CSMD1: variants seen among roughly 807,000 people sequenced by gnomAD.
CSMD1 encodes the protein CUB and sushi domain-containing protein 1.
In CSMD1, 213 loss-of-function variants were observed where a neutral mutation model predicts 417.5. The observed-to-expected ratio is 0.51, with a 90% CI of 0.46 to 0.57. The LOEUF (loss-of-function observed/expected upper bound fraction) is 0.57, where lower values mean the gene tolerates loss of function less well. CSMD1 is among the 20% of genes least tolerant of loss of function. The probability of loss-of-function intolerance (pLI) is 0.00; values close to 1 mark genes in which losing one functional copy is unlikely to be tolerated. For synonymous variants in CSMD1, 2,862 were observed against 1,736.8 expected (o/e 1.65, Z -16.11); for missense variants, 6,923 against 4,529.7 (o/e 1.53, Z -15.17).
rs1338191984 is a variant in CSMD1, at chr8:4,915,577, G to C, written c.85+78755C>G. ...GACCTGCGTCTGCAGTAGAGGGCAGGAGCAGGGACAGCTGGGGGACTGTTG... is the reference window on the plus strand; with the variant it reads ...GACCTGCGTCTGCAGTAGAGGGCAGCAGCAGGGACAGCTGGGGGACTGTTG... On this transcript the variant is annotated intron_variant, in intron 1 of 69. Coordinates refer to ENST00000635120, the MANE Select transcript of CSMD1 (RefSeq NM_033225.6). Among the ~76,000 whole-genome samples the C allele has an allele frequency of 3.3e-5, 5 of 152,346 alleles. No individual in the cohort carries two copies. In the South Asian group the frequency reaches 6.2e-4, roughly 19 times the overall value.
At chr8:4,956,631 G>A (rs902429952) in intron 1 of CSMD1, among the ~76,000 whole-genome samples, 1 of 151,566 alleles carries the variant, frequency 6.6e-6, no homozygotes, top group Non-Finnish European at 1.5e-5. Context: ...TGTAAATGCA[G>A]AAAATTACTG....
chr8:4,762,555 A>G (rs191177150), intron 1 of CSMD1, among the ~76,000 whole-genome samples: 217 of 152,232 alleles, frequency 1.4e-3, no homozygotes, highest in African/African-American at 5.1e-3. Flanking sequence ...TACATTTCAA[A>G]AATTCATAGT....
chr8:4,992,171 G>T (rs561602748), intron 1 of CSMD1, among the ~76,000 whole-genome samples: 1 of 152,246 alleles, frequency 6.6e-6, no homozygotes, highest in East Asian at 1.9e-4. Context: ...TGCCCTGTTC[G>T]CCCCAGAATC....
At chr8:4,183,126 T>A (rs1283902025) in intron 3 of CSMD1, among the ~76,000 whole-genome samples, 4 of 152,176 alleles carry the variant, frequency 2.6e-5, no homozygotes, top group East Asian at 1.9e-4. Flanking sequence ...TATGCAGTGA[T>A]AATTTTATTT....
At chr8:3,974,858 C>T (rs1433473914) in intron 5 of CSMD1, among the ~76,000 whole-genome samples, 2 of 152,118 alleles carry the variant, frequency 1.3e-5, no homozygotes, top group Middle Eastern at 3.4e-3. Context: ...GATATAAAAT[C>T]AGGTGTTATC....
chr8:4,084,735 GCCCACC>G (rs1386424029), intron 3 of CSMD1, among the ~76,000 whole-genome samples: 1 of 150,180 alleles, frequency 6.7e-6, no homozygotes, highest in Admixed American at 6.7e-5. Context: ...CTGCTCTCTT[GCCCACC>G]CCCACCCCCC....
rs534925973 is a variant in CSMD1, at chr8:3,108,986, C to T, written c.6609-238G>A. Among the ~76,000 whole-genome samples the T allele has an allele frequency of 3.3e-5, 5 of 152,316 alleles. No individual in the cohort carries two copies. The South Asian group carries it at 8.3e-4, about 25-fold the overall frequency. On this transcript the variant is annotated intron_variant, in intron 43 of 69. Transcript: ENST00000635120. Reference sequence around the variant, plus strand: ...GCACTTGTCAAATGTCAACACTCACCGGTGCTGGTGGCTCATGCCTGTCAT... The same window carrying T: ...GCACTTGTCAAATGTCAACACTCACTGGTGCTGGTGGCTCATGCCTGTCAT...
At chr8:3,042,096 T>C (rs1811136385) in intron 50 of CSMD1, among the ~76,000 whole-genome samples, 1 of 152,170 alleles carries the variant, frequency 6.6e-6, no homozygotes, top group African/African-American at 2.4e-5. Context: ...CTGCCAACTC[T>C]GTTCCCAAGC....
In CSMD1 at chr8:3,938,405, G is replaced by A. The variant is rs114752674; in HGVS notation, c.818+59498C>T. ...ATGCAATCGGTGGTAGGCTAGTTTT[G>A]ATTTGGGCTTCAAAAGAATAGTAGA... On this transcript the variant is annotated intron_variant, in intron 5 of 69. Coordinates refer to ENST00000635120, the MANE Select transcript of CSMD1 (RefSeq NM_033225.6). 6.2e-3 allele frequency among the ~76,000 whole-genome samples: 940 copies of A among 152,278 alleles called. 14 individuals are homozygous for A. Among genetic ancestry groups the A allele is most frequent in the African/African-American group, 0.022 (913 of 41,564 alleles).
intron 2 of CSMD1, among the ~76,000 whole-genome samples, chr8:4,498,571 A>G (rs1019207601): frequency 1.3e-5 from 2 of 152,238 alleles, no homozygotes; most frequent in African/African-American, 4.8e-5. Flanking sequence ...TGAAACTTGC[A>G]GAAAGATGAT....
At chr8:3,561,583 G>A (rs576149745) in intron 10 of CSMD1, among the ~76,000 whole-genome samples, 1 of 152,092 alleles carries the variant, frequency 6.6e-6, no homozygotes, top group Non-Finnish European at 1.5e-5. Flanking sequence ...GGTACACATG[G>A]AGATAAGGAT....
chr8:3,817,610 C>T (rs548971550), intron 5 of CSMD1, among the ~76,000 whole-genome samples: 84 of 152,092 alleles, frequency 5.5e-4, no homozygotes, highest in African/African-American at 1.6e-3. Flanking sequence ...AGAATATTTA[C>T]GGGCAATATT....
chr8:3,739,113 CATTTT>C (rs1796670004), intron 6 of CSMD1, among the ~76,000 whole-genome samples: 1 of 151,594 alleles, frequency 6.6e-6, no homozygotes, highest in African/African-American at 2.4e-5. Flanking sequence ...TATAAGTTTA[CATTTT>C]ATTTAGATCA....
intron 3 of CSMD1, among the ~76,000 whole-genome samples, chr8:4,200,855 C>G (rs114363953): frequency 6.6e-6 from 1 of 151,972 alleles, no homozygotes; most frequent in African/African-American, 2.4e-5. Context: ...GAAACCCTGT[C>G]TCAAAATAAT....
intron 2 of CSMD1, among the ~76,000 whole-genome samples, chr8:4,532,651 C>G (rs1421397920): frequency 7.1e-6 from 1 of 140,346 alleles, no homozygotes; most frequent in Non-Finnish European, 1.5e-5. Flanking sequence ...CCTGCACCCC[C>G]ATTCAGTCAC....
chr8:4,945,076 G>A (rs540590304), intron 1 of CSMD1, among the ~76,000 whole-genome samples: 2 of 152,248 alleles, frequency 1.3e-5, no homozygotes, highest in Middle Eastern at 3.4e-3. Flanking sequence ...TAAAAAGGAA[G>A]AAAATCCTGA....
chr8:3,901,149 G>T (rs1807723224), intron 5 of CSMD1, among the ~76,000 whole-genome samples: 1 of 152,250 alleles, frequency 6.6e-6, no homozygotes, highest in East Asian at 1.9e-4. Flanking sequence ...GATAACCGTG[G>T]AGAAATAGTA....
At chr8:3,786,474 A>G (rs957255775) in intron 5 of CSMD1, among the ~76,000 whole-genome samples, 1 of 152,156 alleles carries the variant, frequency 6.6e-6, no homozygotes, top group African/African-American at 2.4e-5. Flanking sequence ...AAGCAGGAGG[A>G]ATGGTGACAG....
At chr8:4,612,778 A>G (rs1352362572) in intron 2 of CSMD1, among the ~76,000 whole-genome samples, 3 of 152,178 alleles carry the variant, frequency 2.0e-5, no homozygotes, top group African/African-American at 7.2e-5. Flanking sequence ...CACTCAACAA[A>G]CAGCACCAGT....
Sources: allele counts gnomAD v4.1 joint callset (sites outside exome capture counted in the v4.1 genomes callset), GRCh38; gene constraint gnomAD v4.1.1; transcripts MANE v1.5; gene names NCBI Gene and HGNC (gene_info 2026-07-23, HGNC 2026-07-21).